Variants in CTNNA2 observed in about 807,000 individuals in gnomAD.
The protein encoded by CTNNA2 is catenin alpha-2.
In CTNNA2, 42 loss-of-function variants were observed where a neutral mutation model predicts 101.0. That is an observed-to-expected ratio of 0.42 (90% CI 0.32 to 0.54). CTNNA2 has a LOEUF of 0.54. CTNNA2 is among the 20% of genes least tolerant of loss of function. The probability of loss-of-function intolerance (pLI) is 0.14; values close to 1 mark genes in which losing one functional copy is unlikely to be tolerated. For synonymous variants in CTNNA2, 450 were observed against 456.4 expected (o/e 0.99, Z 0.18); for missense variants, 871 against 1,223.1 (o/e 0.71, Z 4.29).
intron 9 of CTNNA2, among the ~76,000 whole-genome samples, chr2:80,434,339 A>C (rs1681823499): frequency 6.6e-6 from 1 of 152,216 alleles, no homozygotes; most frequent in Admixed American, 6.5e-5. Context: ...ATTTTGCAGA[A>C]ACTTAATGTA....
At chr2:80,375,732 T>G (rs964470796) in intron 7 of CTNNA2, among the ~76,000 whole-genome samples, 1 of 151,824 alleles carries the variant, frequency 6.6e-6, no homozygotes, top group African/African-American at 2.4e-5. Flanking sequence ...GCCCAGCTAA[T>G]TTTTGTATTT....
intron 7 of CTNNA2, among the ~76,000 whole-genome samples, chr2:80,034,501 C>T (rs1695527245): frequency 6.6e-6 from 1 of 151,724 alleles, no homozygotes; most frequent in Non-Finnish European, 1.5e-5. Context: ...CTACAGGCAA[C>T]CACCACCACT....
At chr2:79,846,621 A>G (rs1680249982) in intron 3 of CTNNA2, among the ~76,000 whole-genome samples, 1 of 152,218 alleles carries the variant, frequency 6.6e-6, no homozygotes, top group African/African-American at 2.4e-5. Flanking sequence ...CAGAAACAGA[A>G]TATTTCCTCC....
intron 7 of CTNNA2, among the ~76,000 whole-genome samples, chr2:79,971,018 T>C (rs1472989806): frequency 6.6e-6 from 1 of 152,172 alleles, no homozygotes. Flanking sequence ...GTCTAGCTGA[T>C]ATTGGGGCCA....
intron 4 of CTNNA2, among the ~76,000 whole-genome samples, chr2:79,479,975 T>G (rs1446518845): frequency 6.6e-6 from 1 of 151,848 alleles, no homozygotes; most frequent in African/African-American, 2.4e-5. Flanking sequence ...GAAAAGAGGT[T>G]TATTTGGCTC....
At position 79,484,311 on chromosome 2, in the gene CTNNA2, G is replaced by A. The variant is rs535724346; in HGVS notation, c.-134-20743G>A. 3.3e-5 allele frequency among the ~76,000 whole-genome samples: 5 copies of A among 152,076 alleles called. 1 individual carries two copies. The highest frequency in any genetic ancestry group is 2.1e-4 in the South Asian group (1 of 4,810). ...GTTAAATGTGTGACTTGTTTAGAAC[G>A]AGTGGCTGATATAGCTTTCATGAGC... On this transcript the variant is annotated intron_variant, in intron 4 of 21. Coordinates refer to the CTNNA2 transcript ENST00000466387.
intron 4 of CTNNA2, among the ~76,000 whole-genome samples, chr2:79,488,887 T>C (rs1671182821): frequency 6.6e-6 from 1 of 152,190 alleles, no homozygotes; most frequent in African/African-American, 2.4e-5. Context: ...TTAACAATTG[T>C]TTATATCACT....
intron 3 of CTNNA2, among the ~76,000 whole-genome samples, chr2:79,843,735 G>C (rs890875504): frequency 5.9e-5 from 9 of 152,124 alleles, no homozygotes; most frequent in African/African-American, 2.2e-4. Context: ...AGTTGAAAAC[G>C]AACTTTCCCT....
chr2:79,822,071 C>T (rs1301326632), intron 3 of CTNNA2, among the ~76,000 whole-genome samples: 1 of 152,178 alleles, frequency 6.6e-6, no homozygotes, highest in Non-Finnish European at 1.5e-5. Flanking sequence ...TAAGATGTTA[C>T]ACTTCAAAAC....
At chr2:79,549,293 T>C (rs1673936980) in intron 1 of CTNNA2, among the ~76,000 whole-genome samples, 1 of 152,254 alleles carries the variant, frequency 6.6e-6, no homozygotes, top group African/African-American at 2.4e-5. Context: ...CCTATAACTT[T>C]CATGCCTCTT....
At chr2:79,671,340 C>G (rs1485096808) in intron 2 of CTNNA2, among the ~76,000 whole-genome samples, 4 of 152,220 alleles carry the variant, frequency 2.6e-5, no homozygotes, top group Non-Finnish European at 4.4e-5. Context: ...TGCTTTCATG[C>G]TAGTACCACC....
At chr2:80,558,527 A>G (rs1367966539) in intron 12 of CTNNA2, among the ~76,000 whole-genome samples, 1 of 151,418 alleles carries the variant, frequency 6.6e-6, no homozygotes, top group African/African-American at 2.4e-5. Flanking sequence ...TTCTAATGTC[A>G]TTGTATGTCT....
chr2:80,189,540 GAGTTCCT>G, intron 7 of CTNNA2, among the ~76,000 whole-genome samples: 1 of 152,320 alleles, frequency 6.6e-6, no homozygotes, highest in South Asian at 2.1e-4. Flanking sequence ...CAGTAGCATT[GAGTTCCT>G]AGTAGCCTTC....
chr2:80,580,243 C>CTT (rs980098256), intron 13 of CTNNA2, among the ~76,000 whole-genome samples: 10 of 152,156 alleles, frequency 6.6e-5, no homozygotes, highest in African/African-American at 2.4e-4. Flanking sequence ...ATGGTAAGCA[C>CTT]TTAATGCACA....
chr2:79,462,737 A>G (rs1670892841), intron 4 of CTNNA2, among the ~76,000 whole-genome samples: 1 of 152,202 alleles, frequency 6.6e-6, no homozygotes, highest in African/African-American at 2.4e-5. Flanking sequence ...AGCAAGTTCT[A>G]TTTAGTAGAA....
At chr2:80,208,624 C>A (rs6722602) in intron 7 of CTNNA2, among the ~76,000 whole-genome samples, 29,569 of 151,860 alleles carry the variant, frequency 0.19, 4,020 homozygotes, top group African/African-American at 0.38. Flanking sequence ...AGTCTCGGGG[C>A]ACAGAGCATT....
At chr2:80,013,149 G>A (rs1007048685) in intron 7 of CTNNA2, among the ~76,000 whole-genome samples, 1 of 152,074 alleles carries the variant, frequency 6.6e-6, no homozygotes, top group Non-Finnish European at 1.5e-5. Context: ...CTGGGTGACA[G>A]AGCAAGATCT....
At chr2:79,524,195 T>A (rs1368492302) in intron 1 of CTNNA2, among the ~76,000 whole-genome samples, 1 of 152,022 alleles carries the variant, frequency 6.6e-6, no homozygotes, top group African/African-American at 2.4e-5. Flanking sequence ...AACTCTCAAT[T>A]CATAATCTTT....
chr2:80,221,403 G>C (rs895885762), intron 7 of CTNNA2, among the ~76,000 whole-genome samples: 2 of 152,162 alleles, frequency 1.3e-5, no homozygotes, highest in Non-Finnish European at 2.9e-5. Context: ...AGGCCAGCTG[G>C]CAAGTTGGAA....
Sources: allele counts gnomAD v4.1 joint callset (sites outside exome capture counted in the v4.1 genomes callset), GRCh38; gene constraint gnomAD v4.1.1; transcripts MANE v1.5; gene names NCBI Gene and HGNC (gene_info 2026-07-23, HGNC 2026-07-21).